TAF1A: variants seen among roughly 807,000 people sequenced by gnomAD.
The protein encoded by TAF1A is TATA-box binding protein associated factor, RNA polymerase I subunit A, also known as TATA box-binding protein-associated factor RNA polymerase I subunit A.
In TAF1A, 42 loss-of-function variants were observed where a neutral mutation model predicts 61.6. The observed-to-expected ratio is 0.68, with a 90% CI of 0.53 to 0.88. The LOEUF (loss-of-function observed/expected upper bound fraction) is 0.88, where lower values mean the gene tolerates loss of function less well. Among genes scored for constraint, TAF1A ranks in the 40% least tolerant of loss-of-function variants. The pLI is 0.00. For missense variants in TAF1A, 424 were observed against 518.7 expected, an observed-to-expected ratio of 0.82 and a Z score of 1.77; for synonymous variants, 179 against 177.7, an observed-to-expected ratio of 1.01 and a Z score of -0.06.
At chr1:222,569,160 G>T in intron 7 of TAF1A, 1 of 767,646 alleles carries the variant, frequency 1.3e-6, no homozygotes, top group Non-Finnish European at 1.7e-6. Flanking sequence ...TTACCATGGT[G>T]GTTCATGAAT....
At chr1:222,563,127 A>C in intron 9 of TAF1A, 46 bp downstream of exon 9, 1 of 1,491,670 alleles carries the variant, frequency 6.7e-7, no homozygotes, top group Non-Finnish European at 9.1e-7. Context: ...AATATTGGGA[A>C]ATATTATTTA....
At chr1:222,586,486 T>G (rs977185468) in intron 2 of TAF1A, among the ~76,000 whole-genome samples, 2 of 152,240 alleles carry the variant, frequency 1.3e-5, no homozygotes, top group African/African-American at 4.8e-5. Context: ...CATTTCATTC[T>G]TTAATGAGCA....
intron 5 of TAF1A, among the ~76,000 whole-genome samples, chr1:222,574,330 A>C (rs755745891): frequency 6.6e-6 from 1 of 152,230 alleles, no homozygotes; most frequent in Non-Finnish European, 1.5e-5. Context: ...AAATTGGCTG[A>C]TATGAAAACT....
Position 222,572,249 on chromosome 1 carries a change from C to T in TAF1A, c.605-1584G>A, listed in dbSNP as rs1265474397. Among the ~76,000 whole-genome samples the T allele has an allele frequency of 1.0e-4, 15 of 150,294 alleles. 1 individual carries two copies. The highest frequency in any genetic ancestry group is 9.9e-4 in the Admixed American group (15 of 15,088). On this transcript the variant is annotated intron_variant, in intron 5 of 10. Transcript: ENST00000352967. ...AAAAAAAAAAAAAAGTACTACAAAG[C>T]TGTAGTAATCAAGACTGTGTGATAT... is the stretch of plus-strand genomic sequence containing the variant.
rs540495054 is a variant in TAF1A at position 222,564,420 on chromosome 1, T to C, written c.895-295A>G. ...GCTCCTTATACATATCTATACTGTT[T>C]ACCACGCTCAACAACTAAAAACGAT... On this transcript the variant is annotated intron_variant, in intron 7 of 10. Coordinates refer to ENST00000352967, the MANE Select transcript of TAF1A (RefSeq NM_005681.4). Among the ~76,000 whole-genome samples, 5 of 151,330 alleles carry C rather than the reference T, an allele frequency of 3.3e-5. No individual in the cohort carries two copies. The South Asian group carries it at 1.0e-3, about 32-fold the overall frequency.
chr1:222,587,890 A>G (rs1235349996), intron 2 of TAF1A, among the ~76,000 whole-genome samples: 2 of 152,074 alleles, frequency 1.3e-5, no homozygotes, highest in African/African-American at 4.8e-5. Flanking sequence ...TGTCTCTATT[A>G]AAAATACAAA....
intron 3 of TAF1A, 43 bp from the exon 4 acceptor site, chr1:222,579,915 TTAACC>T: frequency 6.3e-7 from 1 of 1,578,990 alleles, no homozygotes; most frequent in East Asian, 2.3e-5. Flanking sequence ...AATTTTTGCC[TTAACC>T]AATTTCTGTC....
chr1:222,570,820 C>T (rs190222296), intron 5 of TAF1A, among the ~76,000 whole-genome samples, 155 bp from the exon 6 acceptor site: 8 of 152,274 alleles, frequency 5.3e-5, no homozygotes, highest in Admixed American at 3.3e-4. Flanking sequence ...TAATTCTTCA[C>T]AAATTCTCCC....
intron 7 of TAF1A, among the ~76,000 whole-genome samples, chr1:222,564,943 C>T (rs1484516562): frequency 2.0e-5 from 3 of 152,154 alleles, no homozygotes; most frequent in Non-Finnish European, 2.9e-5. Flanking sequence ...ACATTTGTCT[C>T]ATGATTTTAT....
At chr1:222,571,601 A>G (rs72738214) in intron 5 of TAF1A, among the ~76,000 whole-genome samples, 8,938 of 152,074 alleles carry the variant, frequency 0.059, 403 homozygotes, top group Non-Finnish European at 0.089. Context: ...CAAGCAGAAG[A>G]TAAAATTAGG....
intron 5 of TAF1A, among the ~76,000 whole-genome samples, chr1:222,571,850 A>G (rs908857061): frequency 9.2e-5 from 14 of 152,216 alleles, no homozygotes; most frequent in African/African-American, 3.4e-4. Flanking sequence ...GGCTGATTCT[A>G]TAATTCATAC....
intron 7 of TAF1A, among the ~76,000 whole-genome samples, chr1:222,566,974 C>A (rs893963786): frequency 2.0e-5 from 3 of 152,154 alleles, no homozygotes; most frequent in Non-Finnish European, 4.4e-5. Flanking sequence ...GTGAAAGCAG[C>A]GAACTCCAAC....
Position 222,587,641 on chromosome 1 carries a change from T to C in TAF1A, c.121+802A>G, listed in dbSNP as rs543872707. 1.9e-4 allele frequency among the ~76,000 whole-genome samples: 29 copies of C among 152,298 alleles called. No homozygotes were observed. The South Asian group carries it at 5.8e-3, about 30-fold the overall frequency. On this transcript the variant is annotated intron_variant, in intron 2 of 10. Coordinates refer to ENST00000352967, the MANE Select transcript of TAF1A (RefSeq NM_005681.4). ...TATACTTATATTAAATATATTCTTA[T>C]AGGGAATTTATCCCATAGAAAAACA...
chr1:222,567,382 G>A (rs949041876), intron 7 of TAF1A, among the ~76,000 whole-genome samples: 5 of 152,128 alleles, frequency 3.3e-5, no homozygotes, highest in African/African-American at 1.2e-4. Context: ...GATGGTGGTT[G>A]CACAAAACTG....
intron 5 of TAF1A, among the ~76,000 whole-genome samples, chr1:222,574,176 A>G (rs1438702571): frequency 6.6e-6 from 1 of 152,160 alleles, no homozygotes; most frequent in Non-Finnish European, 1.5e-5. Flanking sequence ...CTAATATTGT[A>G]CTGATGGTTA....
chr1:222,575,150 A>C (rs781447433), intron 5 of TAF1A, among the ~76,000 whole-genome samples: 28 of 152,194 alleles, frequency 1.8e-4, no homozygotes, highest in Non-Finnish European at 2.8e-4. Flanking sequence ...CCAGTGGATC[A>C]GTTAAATACA....
intron 7 of TAF1A, among the ~76,000 whole-genome samples, chr1:222,566,807 G>T (rs147812965): frequency 1.1e-4 from 16 of 152,306 alleles, no homozygotes; most frequent in African/African-American, 3.4e-4. Context: ...TCAAAAAAGG[G>T]GATGGAGAAT....
downstream of TAF1A, among the ~76,000 whole-genome samples, chr1:222,554,833 G>A (rs922256689): frequency 1.3e-5 from 2 of 152,106 alleles, no homozygotes; most frequent in African/African-American, 2.4e-5. Flanking sequence ...TTCTTTTTAT[G>A]AGGGGAGGTG....
intron 8 of TAF1A, 149 bp downstream of exon 8, chr1:222,563,910 C>T (rs573154792): frequency 6.7e-5 from 39 of 586,128 alleles, no homozygotes; most frequent in Admixed American, 3.3e-4. Context: ...CAAAAGCAGC[C>T]GCAGACAATA....
Sources: allele counts gnomAD v4.1 joint callset (sites outside exome capture counted in the v4.1 genomes callset), GRCh38; gene constraint gnomAD v4.1.1; transcripts MANE v1.5; gene names NCBI Gene and HGNC (gene_info 2026-07-23, HGNC 2026-07-21).